DPY19L2: variants seen among roughly 807,000 people sequenced by gnomAD.
DPY19L2 encodes dpy-19 like 2, also known as probable C-mannosyltransferase DPY19L2.
A neutral mutation model predicts 97.9 loss-of-function variants in DPY19L2; 34 were observed. The ratio of observed to expected loss-of-function variants is 0.35; its 90% CI spans 0.26 to 0.46. DPY19L2 has a LOEUF of 0.46. Ranked by LOEUF, DPY19L2 falls within the 20% of genes least tolerant of loss-of-function variation. The pLI is 1.00. For missense variants in DPY19L2, 623 were observed against 911.4 expected (o/e 0.68, Z 4.07); for synonymous variants, 230 against 307.9 (o/e 0.75, Z 2.65).
intron 6 of DPY19L2, among the ~76,000 whole-genome samples, chr12:63,639,607 T>C (rs1892352087): frequency 6.6e-6 from 1 of 152,136 alleles, no homozygotes; most frequent in Non-Finnish European, 1.5e-5. Context: ...AAAATGCTCA[T>C]CATCACTGGC....
chr12:63,634,914 G>C (rs1282047894), intron 6 of DPY19L2, among the ~76,000 whole-genome samples: 1 of 152,178 alleles, frequency 6.6e-6, no homozygotes, highest in Non-Finnish European at 1.5e-5. Flanking sequence ...GTCCCTGTCT[G>C]ACAGCTTTGA....
At chr12:63,603,275 T>C (rs1178031631) in intron 12 of DPY19L2, among the ~76,000 whole-genome samples, 1 of 152,192 alleles carries the variant, frequency 6.6e-6, no homozygotes, top group African/African-American at 2.4e-5. Context: ...GAATAGTCTA[T>C]TATATCTACC....
intron 6 of DPY19L2, among the ~76,000 whole-genome samples, chr12:63,635,728 G>A (rs186549062): frequency 1.0e-3 from 153 of 152,026 alleles, no homozygotes; most frequent in Middle Eastern, 3.4e-3. Flanking sequence ...GAGAGGAGAA[G>A]TTTAGAGTAA....
intron 9 of DPY19L2, among the ~76,000 whole-genome samples, chr12:63,620,987 T>C (rs1215064137): frequency 6.6e-6 from 1 of 151,304 alleles, no homozygotes; most frequent in African/African-American, 2.4e-5. Flanking sequence ...CACTTATAAG[T>C]GGGAGCTGAA....
chr12:63,595,327 A>T (rs1884024712), intron 15 of DPY19L2, among the ~76,000 whole-genome samples: 1 of 152,138 alleles, frequency 6.6e-6, no homozygotes, highest in South Asian at 2.1e-4. Context: ...AAGACTGCTT[A>T]AAAAAATACC....
chr12:63,632,874 C>A (rs1217994694), intron 6 of DPY19L2, among the ~76,000 whole-genome samples: 1 of 151,984 alleles, frequency 6.6e-6, no homozygotes, highest in Admixed American at 6.6e-5. Context: ...GAGATATAGA[C>A]CAATGGAACA....
Position 63,562,837 on chromosome 12 carries a change from G to A in DPY19L2, c.2127-2175C>T, listed in dbSNP as rs562170932. Among the ~76,000 whole-genome samples the A allele has an allele frequency of 2.7e-3, 387 of 143,844 alleles. 1 individual carries two copies. Among genetic ancestry groups the A allele is most frequent in the African/African-American group, 9.9e-3 (377 of 38,068 alleles). 94.4% of individuals were successfully genotyped at this position (143,844 alleles called of 152,430 possible). ...TTCTGAGACAAGGTCTTGCTCTGTCGCCGAGTGGAGTGCAACGGCACAATC... is the reference window on the plus strand; with the variant it reads ...TTCTGAGACAAGGTCTTGCTCTGTCACCGAGTGGAGTGCAACGGCACAATC... On this transcript the variant is annotated intron_variant, in intron 21 of 21. Transcript: ENST00000324472.
At chr12:63,632,936 A>T (rs184105204) in intron 6 of DPY19L2, among the ~76,000 whole-genome samples, 22 of 152,286 alleles carry the variant, frequency 1.4e-4, no homozygotes, top group African/African-American at 5.3e-4. Flanking sequence ...CTGATCTTTG[A>T]CAAACTTGAC....
chr12:63,646,610 C>T (rs749675473), intron 5 of DPY19L2, among the ~76,000 whole-genome samples: 10 of 152,060 alleles, frequency 6.6e-5, no homozygotes, highest in Non-Finnish European at 1.5e-4. Flanking sequence ...ACAAGTGGCT[C>T]TGAATGAGAG....
At chr12:63,617,235 C>T (rs925811438) in intron 11 of DPY19L2, 69 bp downstream of exon 11, 172 of 917,098 alleles carry the variant, frequency 1.9e-4, no homozygotes, top group Non-Finnish European at 2.6e-4. Context: ...TCTCTTATAC[C>T]TGTTTTAGAC....
chr12:63,653,936 A>G (rs1199930514), intron 4 of DPY19L2, among the ~76,000 whole-genome samples: 1 of 152,094 alleles, frequency 6.6e-6, no homozygotes, highest in Non-Finnish European at 1.5e-5. Context: ...TCCTATGTCC[A>G]GCAAAAATAT....
chr12:63,588,508 A>G (rs1020311493), intron 16 of DPY19L2, among the ~76,000 whole-genome samples: 3 of 152,140 alleles, frequency 2.0e-5, no homozygotes, highest in African/African-American at 7.2e-5. Flanking sequence ...AAAATCGTTA[A>G]GAGGGTAGAT....
At chr12:63,604,709 T>A (rs567696445) in intron 12 of DPY19L2, among the ~76,000 whole-genome samples, 4 of 152,212 alleles carry the variant, frequency 2.6e-5, no homozygotes, top group Non-Finnish European at 5.9e-5. Flanking sequence ...AAAAAAAAAA[T>A]TCTGTGGTGA....
chr12:63,577,464 C>T (rs1880052175), intron 19 of DPY19L2, among the ~76,000 whole-genome samples: 1 of 152,044 alleles, frequency 6.6e-6, no homozygotes, highest in Admixed American at 6.5e-5. Context: ...AAAGCTTCTG[C>T]ACAGCAAAGG....
At chr12:63,578,158 C>G (rs1323828503) in intron 19 of DPY19L2, among the ~76,000 whole-genome samples, 1 of 152,016 alleles carries the variant, frequency 6.6e-6, no homozygotes, top group Admixed American at 6.6e-5. Flanking sequence ...GAGATCCTAT[C>G]CATAACATGG....
intron 16 of DPY19L2, among the ~76,000 whole-genome samples, chr12:63,593,486 T>A (rs1275943940): frequency 6.6e-6 from 1 of 152,150 alleles, no homozygotes; most frequent in African/African-American, 2.4e-5. Flanking sequence ...TCATGTCCTT[T>A]GTAGGGACAT....
chr12:63,612,173 C>T (rs1887116842), intron 11 of DPY19L2, among the ~76,000 whole-genome samples: 1 of 152,012 alleles, frequency 6.6e-6, no homozygotes. Flanking sequence ...TGCAATTCTA[C>T]ACCCAGGAAA....
intron 6 of DPY19L2, among the ~76,000 whole-genome samples, chr12:63,631,268 T>G (rs1890580715): frequency 6.6e-6 from 1 of 151,938 alleles, no homozygotes; most frequent in African/African-American, 2.4e-5. Flanking sequence ...AAAAAATCAA[T>G]GAATCCAGGA....
intron 21 of DPY19L2, 65 bp from the exon 22 acceptor site, chr12:63,560,727 A>G: frequency 1.9e-6 from 3 of 1,558,686 alleles, no homozygotes; most frequent in Non-Finnish European, 2.6e-6. Context: ...CAATAGATAC[A>G]TAACATCTAG....
Sources: allele counts gnomAD v4.1 joint callset (sites outside exome capture counted in the v4.1 genomes callset), GRCh38; gene constraint gnomAD v4.1.1; transcripts MANE v1.5; gene names NCBI Gene and HGNC (gene_info 2026-07-23, HGNC 2026-07-21).